Variants in SMAD2 observed in about 807,000 individuals in gnomAD.
SMAD2 encodes the protein MAD homolog 2.
SMAD2 carries 8 observed loss-of-function variants against 64.4 expected under a neutral mutation model. That is an observed-to-expected ratio of 0.12 (90% CI 0.07 to 0.22). The LOEUF is 0.22. SMAD2 is among the 10% of genes least tolerant of loss of function. The pLI is 1.00. For missense variants in SMAD2, 289 were observed against 561.2 expected, an observed-to-expected ratio of 0.51 and a Z score of 4.90; for synonymous variants, 203 against 195.8, an observed-to-expected ratio of 1.04 and a Z score of -0.31.
chr18:47,916,871 G>A (rs1359049422), intron 1 of SMAD2, among the ~76,000 whole-genome samples: 15 of 152,170 alleles, frequency 9.9e-5, no homozygotes, highest in Admixed American at 9.8e-4. Context: ...CAGTTTGTCT[G>A]CAGTTATACC....
In SMAD2 at chr18:47,826,937, C is replaced by T. The variant is rs1012020030; in HGVS notation, c.*14890G>A. ...TAACCACCCTAAAAACTAACTTCCT[C>T]ATTTTAGGGAACTGGAGGAAATGAA... On this transcript the variant is annotated 3_prime_UTR_variant, in exon 11 of 11. Transcript: ENST00000262160. The T allele has an allele frequency of 1.3e-5, 2 of 152,168 alleles. No homozygotes were observed. Among genetic ancestry groups the T allele is most frequent in the Admixed American group, 1.3e-4 (2 of 15,276 alleles). 9.4% of individuals were successfully genotyped at this position (152,168 alleles called of 1,614,324 possible).
chr18:47,890,627 TA>T (rs908472222), intron 2 of SMAD2, among the ~76,000 whole-genome samples: 1 of 152,060 alleles, frequency 6.6e-6, no homozygotes, highest in African/African-American at 2.4e-5. Flanking sequence ...CTGTGAACAG[TA>T]AAAAAAGTAC....
Position 47,836,443 on chromosome 18 carries a change from G to A in SMAD2, c.*5384C>T. The A allele has an allele frequency of 4.5e-6, 1 of 220,588 alleles. No individual in the cohort carries two copies. The allele number at this position is 220,588 out of a possible 1,614,324, so 13.7% of individuals were successfully genotyped here. A position where few individuals can be genotyped will look rare whatever the true frequency, so the allele number is the denominator to read the frequency against. On this transcript the variant is annotated 3_prime_UTR_variant, in exon 11 of 11. Transcript: ENST00000262160. Reference sequence around the variant, plus strand: ...CAAAAAATGGTATATTAAATGAACTGCCAAATGGCAGATTAAGAAAATTAA... The same window carrying A: ...CAAAAAATGGTATATTAAATGAACTACCAAATGGCAGATTAAGAAAATTAA...
At chr18:47,845,911 T>C in intron 8 of SMAD2, 111 bp from the exon 9 acceptor site, 1 of 921,712 alleles carries the variant, frequency 1.1e-6, no homozygotes. Context: ...TTCCAGGATC[T>C]TTTTCACAGA....
At chr18:47,927,710 A>G (rs930280946) in intron 1 of SMAD2, among the ~76,000 whole-genome samples, 4 of 151,962 alleles carry the variant, frequency 2.6e-5, no homozygotes, top group Admixed American at 2.0e-4. Context: ...GACCAGCCTG[A>G]CCAACATGGT....
chr18:47,920,528 G>A (rs1484539476), intron 1 of SMAD2, among the ~76,000 whole-genome samples: 1 of 152,182 alleles, frequency 6.6e-6, no homozygotes, highest in Non-Finnish European at 1.5e-5. Flanking sequence ...AACTCTAGAA[G>A]GATAAACGAA....
At chr18:47,910,151 C>A (rs2034067660) in intron 1 of SMAD2, among the ~76,000 whole-genome samples, 1 of 143,012 alleles carries the variant, frequency 7.0e-6, no homozygotes, top group African/African-American at 2.6e-5. Context: ...TCGAGGAAAT[C>A]ATAAGAGATT....
chr18:47,861,040 A>G (rs1481837843), intron 6 of SMAD2, among the ~76,000 whole-genome samples: 1 of 152,130 alleles, frequency 6.6e-6, no homozygotes, highest in Non-Finnish European at 1.5e-5. Context: ...AAAAGAAAAA[A>G]GCATGAAGAC....
rs1373295482 is a variant in SMAD2, at chr18:47,821,633, TTCAGTATATCCAAA to T, written c.*20180_*20193del. 6.6e-6 allele frequency: 1 copy of T among 152,212 alleles called. No homozygotes were observed. Among genetic ancestry groups the T allele is most frequent in the Non-Finnish European group, 1.5e-5 (1 of 68,040 alleles). The allele number at this position is 152,212 out of a possible 1,614,324, so 9.4% of individuals were successfully genotyped here. On this transcript the variant is annotated 3_prime_UTR_variant, in exon 11 of 11. Coordinates refer to ENST00000262160, the MANE Select transcript of SMAD2 (RefSeq NM_005901.6). Reference sequence around the variant, plus strand: ...AAGTACCTTTTCATCAGATTCAACTTTCAGTATATCCAAATAGGCTTCCCATAAGTAAAGGCAGT... The same window carrying T: ...AAGTACCTTTTCATCAGATTCAACTTTAGGCTTCCCATAAGTAAAGGCAGT...
chr18:47,848,155 A>G (rs1364583361), intron 8 of SMAD2, among the ~76,000 whole-genome samples: 1 of 152,228 alleles, frequency 6.6e-6, no homozygotes, highest in East Asian at 1.9e-4. Flanking sequence ...TGATTTATAA[A>G]AAAGTATTAA....
At chr18:47,855,483 AAATG>A (rs1236478939) in intron 6 of SMAD2, among the ~76,000 whole-genome samples, 2 of 152,324 alleles carry the variant, frequency 1.3e-5, no homozygotes, top group East Asian at 3.9e-4. Context: ...GACCAGTAAT[AAATG>A]AGTGTGCCTG....
chr18:47,918,731 TG>T (rs1185713359), intron 1 of SMAD2, among the ~76,000 whole-genome samples: 1 of 97,230 alleles, frequency 1.0e-5, no homozygotes, highest in Admixed American at 1.2e-4. Context: ...TAACAGCTCT[TG>T]CATAGCTTGA....
In SMAD2 at chr18:47,833,591, A is replaced by G. The variant is rs1175735634; in HGVS notation, c.*8236T>C. 1 of 230,874 alleles carries G rather than the reference A, an allele frequency of 4.3e-6. No homozygotes were observed. The highest frequency in any genetic ancestry group is 8.6e-6 in the Non-Finnish European group (1 of 116,514). 14.3% of individuals were successfully genotyped at this position (230,874 alleles called of 1,614,324 possible). On this transcript the variant is annotated 3_prime_UTR_variant, in exon 11 of 11. Transcript: ENST00000262160. Reference sequence around the variant, plus strand: ...AAGTTAATGCCATCAGAGAAAAAAAATCTCACCTCACGTGCTCAATGTTCT... The same window carrying G: ...AAGTTAATGCCATCAGAGAAAAAAAGTCTCACCTCACGTGCTCAATGTTCT...
chr18:47,824,449 T>C lies in SMAD2; in HGVS notation c.*17378A>G, dbSNP rs1912679963. Reference sequence around the variant, plus strand: ...GCCAAGAATAATTATTTCAAGACAATTATATAATCTTTATCTGTCCTTTAA... The same window carrying C: ...GCCAAGAATAATTATTTCAAGACAACTATATAATCTTTATCTGTCCTTTAA... On this transcript the variant is annotated 3_prime_UTR_variant, in exon 11 of 11. Transcript: ENST00000262160. 1 of 152,230 alleles carries C rather than the reference T, an allele frequency of 6.6e-6. No individual in the cohort carries two copies. Among genetic ancestry groups the C allele is most frequent in the African/African-American group, 2.4e-5 (1 of 41,454 alleles). 9.4% of individuals were successfully genotyped at this position (152,230 alleles called of 1,614,324 possible).
In SMAD2 at chr18:47,830,213, T is replaced by A. The variant is rs1293605282; in HGVS notation, c.*11614A>T. 1 of 152,214 alleles carries A rather than the reference T, an allele frequency of 6.6e-6. No individual in the cohort carries two copies. Among genetic ancestry groups the A allele is most frequent in the Non-Finnish European group, 1.5e-5 (1 of 68,040 alleles). 9.4% of individuals were successfully genotyped at this position (152,214 alleles called of 1,614,324 possible). ...GTAAAACAGACACTAATAAGTTTTT[T>A]TTCAATATAAAAGAGCAACCTAGAC... On this transcript the variant is annotated 3_prime_UTR_variant, in exon 11 of 11. Transcript: ENST00000262160.
intron 1 of SMAD2, among the ~76,000 whole-genome samples, chr18:47,905,973 AT>A (rs2033885599): frequency 6.6e-6 from 1 of 151,828 alleles, no homozygotes; most frequent in Non-Finnish European, 1.5e-5. Context: ...TACAAAAAAA[AT>A]AGCTGGGCGT....
intron 1 of SMAD2, among the ~76,000 whole-genome samples, chr18:47,919,232 T>A (rs1300346865): frequency 1.3e-5 from 2 of 152,128 alleles, no homozygotes; most frequent in Non-Finnish European, 2.9e-5. Flanking sequence ...TAGACTTATG[T>A]TAGCCAGAAC....
chr18:47,888,595 A>T (rs557060670), intron 2 of SMAD2, among the ~76,000 whole-genome samples: 2 of 152,232 alleles, frequency 1.3e-5, no homozygotes, highest in Non-Finnish European at 2.9e-5. Context: ...GAAAGGTATA[A>T]TCCAGTGGCA....
chr18:47,882,192 A>T (rs1231983241), intron 2 of SMAD2, among the ~76,000 whole-genome samples: 2 of 142,216 alleles, frequency 1.4e-5, no homozygotes, highest in East Asian at 2.1e-4. Context: ...GACCTGATTA[A>T]TTTTTCTTTT....
Sources: allele counts gnomAD v4.1 joint callset (sites outside exome capture counted in the v4.1 genomes callset), GRCh38; gene constraint gnomAD v4.1.1; transcripts MANE v1.5; gene names NCBI Gene and HGNC (gene_info 2026-07-23, HGNC 2026-07-21).